THADA: variants seen among roughly 807,000 people sequenced by gnomAD.
THADA encodes tRNA (32-2'-O)-methyltransferase regulator THADA.
In THADA, 213 loss-of-function variants were observed where a neutral mutation model predicts 219.8. That is an observed-to-expected ratio of 0.97 (90% CI 0.87 to 1.09). The LOEUF (loss-of-function observed/expected upper bound fraction) is 1.09, where lower values mean the gene tolerates loss of function less well. Ranked by LOEUF, THADA falls within the 50% of genes least tolerant of loss-of-function variation. The probability of loss-of-function intolerance (pLI) is 0.00; values close to 1 mark genes in which losing one functional copy is unlikely to be tolerated. For missense variants in THADA, 2,956 were observed against 2,311.3 expected (o/e 1.28, Z -5.72); for synonymous variants, 1,018 against 828.9 (o/e 1.23, Z -3.92).
chr2:43,535,370 G>C (rs1481358829), intron 21 of THADA, among the ~76,000 whole-genome samples: 3 of 151,062 alleles, frequency 2.0e-5, no homozygotes, highest in Admixed American at 6.6e-5. Flanking sequence ...CTATGCTTTT[G>C]AGGTCTTATT....
At position 43,248,218 on chromosome 2, in the gene THADA, GAGAGAGAGAGAGAC is replaced by G. The variant is rs1486688056; in HGVS notation, c.5297-15350_5297-15337del. 3.0e-3 allele frequency among the ~76,000 whole-genome samples: 433 copies of G among 143,358 alleles called. 2 individuals are homozygous for G. The highest frequency in any genetic ancestry group is 0.01 in the African/African-American group (395 of 38,038). The allele number at this position is 143,358 out of a possible 152,430, so 94.0% of individuals were successfully genotyped here. On this transcript the variant is annotated intron_variant, in intron 36 of 37. Coordinates refer to ENST00000405975, the MANE Select transcript of THADA (RefSeq NM_022065.5). Reference sequence around the variant, plus strand: ...AGAGAGAGAGAGAGAGAGAGAGACAGAGAGAGAGAGAGACAGAGAGAGAGAGAGAGAGACGGAGT... The same window carrying G: ...AGAGAGAGAGAGAGAGAGAGAGACAGAGAGAGAGAGAGAGAGAGACGGAGT...
Position 43,577,098 on chromosome 2 carries a change from G to C in THADA, c.961C>G (p.Gln321Glu). 1 of 1,613,302 alleles carries C rather than the reference G, an allele frequency of 6.2e-7. No individual in the cohort carries two copies. Among genetic ancestry groups the C allele is most frequent in the Middle Eastern group, 1.6e-4 (1 of 6,062 alleles). The change falls in exon 10 of 38, where the codon CAG becomes GAG. Residue 321 changes from glutamine (Q) to glutamate (E), a missense_variant. Physicochemically the swap from Gln to Glu is conservative, Grantham distance 29 (BLOSUM62 2). Transcript: ENST00000405975. ...CQGTLAMLDW[Q>E]NGSMGRSGEA... ...CCACTCCGACCCATGCTTCCGTTCT[G>C]CCAGTCCAACATGGCAAGTGTCCCC...
Position 43,287,027 on chromosome 2 carries a change from C to A in THADA, c.5045G>T (p.Trp1682Leu). 6.2e-7 allele frequency: 1 copy of A among 1,613,826 alleles called. No individual in the cohort carries two copies. Among genetic ancestry groups the A allele is most frequent in the Non-Finnish European group, 8.5e-7 (1 of 1,179,810 alleles). ...ACATGACAAGATGACCAGCTGAACC[C>A]ACTGCTTCAGCTCAGCAGCTATCAA... is the stretch of plus-strand genomic sequence containing the variant. ...RELIAAELKQ[W>L]VQLVILSCED... Residue 1682 changes from tryptophan to leucine, a missense_variant, in exon 35 of 38, where the codon TGG (tryptophan) becomes TTG (leucine). Transcript: ENST00000405975.
intron 31 of THADA, among the ~76,000 whole-genome samples, chr2:43,306,314 C>T (rs1428290479): frequency 6.6e-6 from 1 of 152,204 alleles, no homozygotes; most frequent in Non-Finnish European, 1.5e-5. Context: ...GCTCGGCCTA[C>T]TTCTGGTTCT....
At chr2:43,532,537 G>A (rs758970618) in intron 21 of THADA, among the ~76,000 whole-genome samples, 8 of 151,748 alleles carry the variant, frequency 5.3e-5, no homozygotes, top group Non-Finnish European at 7.4e-5. Context: ...AAAGGCCTTC[G>A]ATAAAATTCA....
intron 25 of THADA, among the ~76,000 whole-genome samples, chr2:43,487,925 A>G (rs1338690598): frequency 2.0e-5 from 3 of 150,910 alleles, no homozygotes; most frequent in Non-Finnish European, 4.5e-5. Flanking sequence ...ATTAGCGATC[A>G]ATGATGATCA....
chr2:43,551,150 T>C (rs1013219025), intron 19 of THADA, among the ~76,000 whole-genome samples: 2 of 152,212 alleles, frequency 1.3e-5, no homozygotes, highest in Non-Finnish European at 2.9e-5. Flanking sequence ...TATGGTTCAG[T>C]GAGTGTTTAT....
At chr2:43,266,825 G>A (rs1177616879) in intron 36 of THADA, among the ~76,000 whole-genome samples, 4 of 152,164 alleles carry the variant, frequency 2.6e-5, no homozygotes, top group Non-Finnish European at 5.9e-5. Flanking sequence ...CAGGTTGACT[G>A]GCACAAGGAG....
chr2:43,580,210 AG>A, intron 8 of THADA, among the ~76,000 whole-genome samples: 1 of 150,256 alleles, frequency 6.7e-6, no homozygotes, highest in South Asian at 2.1e-4. Context: ...TTTGTATTTT[AG>A]TTTTTTAGTA....
intron 16 of THADA, 52 bp from the exon 17 acceptor site, chr2:43,556,607 TA>T: frequency 6.5e-7 from 1 of 1,538,304 alleles, no homozygotes; most frequent in Non-Finnish European, 8.8e-7. Context: ...CTCTTTAATT[TA>T]AAAAAATAGT....
At chr2:43,440,774 C>T (rs1209182992) in intron 26 of THADA, among the ~76,000 whole-genome samples, 2 of 152,114 alleles carry the variant, frequency 1.3e-5, no homozygotes, top group Admixed American at 6.5e-5. Context: ...TTATGCACAC[C>T]GTATGATTCT....
At chr2:43,501,346 CTTTTAT>C in intron 24 of THADA, among the ~76,000 whole-genome samples, 1 of 104,734 alleles carries the variant, frequency 9.5e-6, no homozygotes, top group South Asian at 3.5e-4. Context: ...AAAAGAGAGA[CTTTTAT>C]GGGAATTAGT....
chr2:43,340,668 G>A (rs1311807301), intron 30 of THADA, among the ~76,000 whole-genome samples: 1 of 152,080 alleles, frequency 6.6e-6, no homozygotes, highest in Non-Finnish European at 1.5e-5. Context: ...ATATTCAAAA[G>A]ATACAGAAAA....
chr2:43,560,197 T>C, intron 16 of THADA, 37 bp downstream of exon 16: 1 of 1,570,976 alleles, frequency 6.4e-7, no homozygotes, highest in Non-Finnish European at 8.6e-7. Flanking sequence ...AAAGTTTCCA[T>C]GCATATACCA....
At chr2:43,478,623 T>C (rs1685818974) in intron 26 of THADA, among the ~76,000 whole-genome samples, 2 of 152,206 alleles carry the variant, frequency 1.3e-5, no homozygotes, top group African/African-American at 2.4e-5. Flanking sequence ...GATACATGCA[T>C]TGCCAAAATT....
chr2:43,248,065 A>C (rs113598484), intron 36 of THADA, among the ~76,000 whole-genome samples: 13 of 143,734 alleles, frequency 9.0e-5, no homozygotes, highest in Admixed American at 2.8e-4. Context: ...AACAAACAAA[A>C]AAAAAGTTGA....
chr2:43,331,724 T>C (rs569409417), intron 30 of THADA, among the ~76,000 whole-genome samples: 3 of 152,210 alleles, frequency 2.0e-5, no homozygotes, highest in Non-Finnish European at 4.4e-5. Context: ...TGTTTCCAAA[T>C]CACACTCTGC....
chr2:43,337,391 A>T (rs1379852253), intron 30 of THADA, among the ~76,000 whole-genome samples: 2 of 152,232 alleles, frequency 1.3e-5, no homozygotes, highest in African/African-American at 4.8e-5. Context: ...TTTTCACTGT[A>T]GAAAAGATTT....
At chr2:43,374,993 C>T (rs563885964) in intron 29 of THADA, among the ~76,000 whole-genome samples, 2 of 151,822 alleles carry the variant, frequency 1.3e-5, no homozygotes, top group South Asian at 2.1e-4. Context: ...ACAAAGACAG[C>T]TTTCAGTCTG....
Sources: gnomAD v4.1 joint callset for allele counts (sites outside exome capture counted in the v4.1 genomes callset) on GRCh38, gnomAD v4.1.1 for gene constraint, MANE v1.5 for transcripts, NCBI Gene and HGNC (gene_info 2026-07-23, HGNC 2026-07-21) for gene names.